Variants in CGN observed in about 807,000 individuals in gnomAD.
CGN encodes cingulin.
A neutral mutation model predicts 157.1 loss-of-function variants in CGN; 121 were observed. That is an observed-to-expected ratio of 0.77 (90% confidence interval 0.66 to 0.90). The LOEUF (loss-of-function observed/expected upper bound fraction) is 0.90, where lower values mean the gene tolerates loss of function less well. Ranked by LOEUF, CGN falls within the 40% of genes least tolerant of loss-of-function variation. The pLI is 0.00. For missense variants in CGN, 1,424 were observed against 1,520.9 expected, an observed-to-expected ratio of 0.94 and a Z score of 1.06; for synonymous variants, 535 against 607.5, an observed-to-expected ratio of 0.88 and a Z score of 1.76.
In CGN at chr1:151,530,128, G is replaced by A. The variant is rs185573654; in HGVS notation, c.2313+13G>A. 2.6e-3 allele frequency: 4,154 copies of A among 1,603,012 alleles called. 164 individuals carry two copies. The Admixed American group carries it at 0.062, about 24-fold the overall frequency. On this transcript the variant is annotated intron_variant, in intron 12 of 20. Transcript: ENST00000271636. ...GCAGCGGCTGGAGGTCAGTGGTTCT[G>A]CCCTCCCAGCCCTCTCTGCTCAGCC... is the stretch of plus-strand genomic sequence containing the variant.
At chr1:151,532,612 CTTTTTT>C (rs34388063) in intron 14 of CGN, 40 bp downstream of exon 14, 1,032 of 536,006 alleles carry the variant, frequency 1.9e-3, no homozygotes, top group East Asian at 4.0e-3. Context: ...GTCCTTGCCT[CTTTTTT>C]TTTTTTTTTT....
chr1:151,529,476 C>T lies in CGN; in HGVS notation c.2023C>T (p.Arg675Ter), dbSNP rs569243416. The T allele has an allele frequency of 3.7e-6, 6 of 1,613,664 alleles. No individual in the cohort carries two copies. Among genetic ancestry groups the T allele is most frequent in the East Asian group, 2.2e-5 (1 of 44,822 alleles). The change falls in exon 11 of 21, where the codon CGA (arginine) becomes TGA (stop). Residue 675 changes from arginine (R) to a stop codon, truncating the protein, a stop_gained. Coordinates refer to ENST00000271636, the MANE Select transcript of CGN (RefSeq NM_020770.3). LOFTEE classifies it high-confidence loss of function. ...GGCGGTCCTGAGGGTCGAGGCTGAT[C>T]GAGGTCGGGAGCTGGAAGAACAGAA... ...QLAVLRVEADRGRELEEQNLQ... is the reference protein window; with the variant it reads ...QLAVLRVEAD
chr1:151,529,602 G>T (rs1664783171), intron 11 of CGN, 43 bp downstream of exon 11: 2 of 1,551,304 alleles, frequency 1.3e-6, no homozygotes, highest in Non-Finnish European at 1.8e-6. Context: ...GAGGCTGAGG[G>T]TGTCTGGAGG....
At chr1:151,525,844 CT>C (rs928840759) in intron 9 of CGN, 54 bp downstream of exon 9, 30 of 1,246,092 alleles carry the variant, frequency 2.4e-5, no homozygotes, top group Non-Finnish European at 3.0e-5. Context: ...CACTTCCTTT[CT>C]TTTTTTTAAT....
chr1:151,520,267 G>T lies in CGN; in HGVS notation c.974+1G>T, dbSNP rs1664511016. ...CCATCTATGGCATCCTGAGGGAGGGGTGAGTGGGGGCCCCCCCAACAACAG... is the reference window on the plus strand; with the variant it reads ...CCATCTATGGCATCCTGAGGGAGGGTTGAGTGGGGGCCCCCCCAACAACAG... On this transcript the variant is annotated splice_donor_variant, in intron 3 of 20. Coordinates refer to ENST00000271636, the MANE Select transcript of CGN (RefSeq NM_020770.3). LOFTEE classifies it high-confidence loss of function. 6.2e-7 allele frequency: 1 copy of T among 1,611,992 alleles called. No individual in the cohort carries two copies. Among genetic ancestry groups the T allele is most frequent in the Non-Finnish European group, 8.5e-7 (1 of 1,178,606 alleles).
intron 1 of CGN, among the ~76,000 whole-genome samples, chr1:151,516,965 G>C (rs1014686873): frequency 1.3e-5 from 2 of 151,468 alleles, no homozygotes; most frequent in Non-Finnish European, 2.9e-5. Flanking sequence ...TTTGAGACCA[G>C]CCTGGCCAAT....
Position 151,520,151 on chromosome 1 carries a change from CT to C in CGN, c.874-6del, listed in dbSNP as rs758186584. 258 of 1,513,792 alleles carry C rather than the reference CT, an allele frequency of 1.7e-4. No individual in the cohort carries two copies. Among genetic ancestry groups the C allele is most frequent in the South Asian group, 3.2e-4 (26 of 81,248 alleles). 93.8% of individuals were successfully genotyped at this position (1,513,792 alleles called of 1,614,324 possible). On this transcript the variant is annotated splice_polypyrimidine_tract_variant and intron_variant, in intron 2 of 20. Transcript: ENST00000271636. ...CTTTCTTTCTTTTTTTTTTCTTTTT[CT>C]TTTTTTTTAACAGTTCAAATCAACT...
At position 151,513,422 on chromosome 1, in the gene CGN, G is replaced by C. The variant is rs74324778; in HGVS notation, c.-15+1907G>C. ...GGGGGATTCTTTTTGGATCCACGGGGAACCTTCTTATCTCTAACTATGAGA... is the reference window on the plus strand; with the variant it reads ...GGGGGATTCTTTTTGGATCCACGGGCAACCTTCTTATCTCTAACTATGAGA... On this transcript the variant is annotated intron_variant, in intron 1 of 20. Transcript: ENST00000271636. Among the ~76,000 whole-genome samples, 7 of 152,280 alleles carry C rather than the reference G, an allele frequency of 4.6e-5. No homozygotes were observed. The East Asian group carries it at 1.3e-3, about 29-fold the overall frequency.
At position 151,524,240 on chromosome 1, in the gene CGN, A is replaced by G. The variant is rs1664615304; in HGVS notation, c.1283A>G (p.Lys428Arg). Residue 428 changes from lysine to arginine, a missense_variant, in exon 7 of 21, where the codon AAG (lysine) becomes AGG (arginine). By Grantham distance (26) the Lys-to-Arg change is conservative. Transcript: ENST00000271636. The surrounding 1 kb of genome is among the most constrained non-coding windows in gnomAD (Gnocchi z 4.4). The stretch of plus-strand genomic sequence containing the variant: ...TCTATTATTAGGCTCCAGAACATGA[A>G]GCGCCTCTTGGACCAGGGTGAAGAT... The part of the protein sequence containing the change: ...QQSNKELQNM[K>R]RLLDQGEDLR... The G allele has an allele frequency of 8.7e-6, 14 of 1,613,958 alleles. No homozygotes were observed. Among genetic ancestry groups the G allele is most frequent in the Non-Finnish European group, 1.2e-5 (14 of 1,179,926 alleles).
chr1:151,527,128 A>G, intron 10 of CGN, 21 bp downstream of exon 10: 1 of 1,613,828 alleles, frequency 6.2e-7, no homozygotes, highest in Non-Finnish European at 8.5e-7. Context: ...ATTGGGGGGC[A>G]GAATGGTAGG....
At chr1:151,527,239 G>A (rs1664703866) in intron 10 of CGN, 132 bp downstream of exon 10, 5 of 935,210 alleles carry the variant, frequency 5.3e-6, no homozygotes, top group Non-Finnish European at 6.7e-6. Flanking sequence ...TGCCTGCTCA[G>A]CTTGATCTCT....
intron 5 of CGN, among the ~76,000 whole-genome samples, chr1:151,522,583 G>A (rs1459012148): frequency 1.3e-5 from 2 of 151,330 alleles, no homozygotes; most frequent in East Asian, 3.9e-4. Flanking sequence ...CCGAGATTGC[G>A]CCACTGCACT....
rs1267753516 is a variant in CGN, at chr1:151,524,187, G to T, written c.1269-39G>T. ...AAATATATGATGCGTTTAGAGAACT[G>T]CCTGACACATAGTGTGCAATAATGT... is the stretch of plus-strand genomic sequence containing the variant. On this transcript the variant is annotated intron_variant, in intron 6 of 20. Transcript: ENST00000271636. The surrounding 1 kb of genome is among the most constrained non-coding windows in gnomAD (Gnocchi z 4.4). The T allele has an allele frequency of 1.3e-6, 2 of 1,532,556 alleles. No homozygotes were observed. The highest frequency in any genetic ancestry group is 3.6e-5 in the Admixed American group (2 of 54,912). 94.9% of individuals were successfully genotyped at this position (1,532,556 alleles called of 1,614,324 possible).
At chr1:151,517,750 G>C (rs1057084401) in intron 1 of CGN, among the ~76,000 whole-genome samples, 1 of 152,012 alleles carries the variant, frequency 6.6e-6, no homozygotes, top group Admixed American at 6.6e-5. Context: ...GACCTCAGGT[G>C]ATCCACCTGC....
intron 13 of CGN, 79 bp from the exon 14 acceptor site, chr1:151,532,323 T>C: frequency 8.8e-7 from 1 of 1,131,528 alleles, no homozygotes; most frequent in South Asian, 2.4e-5. Flanking sequence ...AGGAGACCCT[T>C]AGGGGAGAGT....
intron 1 of CGN, among the ~76,000 whole-genome samples, chr1:151,516,812 G>A (rs1401697788): frequency 6.6e-6 from 1 of 151,524 alleles, no homozygotes; most frequent in Admixed American, 6.6e-5. Context: ...AAAATGCTGG[G>A]ATTACAGGCG....
At chr1:151,530,829 G>T in intron 13 of CGN, 83 bp downstream of exon 13, 2 of 1,437,832 alleles carry the variant, frequency 1.4e-6, no homozygotes, top group Non-Finnish European at 1.9e-6. Flanking sequence ...GCTTGGGGGA[G>T]AGGGGTTAGT....
At chr1:151,513,685 C>A (rs973472095) in intron 1 of CGN, among the ~76,000 whole-genome samples, 5 of 152,184 alleles carry the variant, frequency 3.3e-5, no homozygotes. Context: ...CCCTGTCACT[C>A]CTAGTTGGAA....
At position 151,520,456 on chromosome 1, in the gene CGN, G is replaced by C; in HGVS notation, c.1017G>C (p.Leu339Phe). 1 of 1,614,196 alleles carries C rather than the reference G, an allele frequency of 6.2e-7. No individual in the cohort carries two copies. Among genetic ancestry groups the C allele is most frequent in the Non-Finnish European group, 8.5e-7 (1 of 1,180,024 alleles). The part of the protein sequence containing the change: ...SETSVRRKVS[L>F]VLEKMQPLVM... ...CCTCTGTGAGGAGGAAGGTTAGTTT[G>C]GTGCTGGAGAAGATGCAGCCTCTAG... The change falls in exon 4 of 21, where the codon TTG becomes TTC. Residue 339 changes from leucine (L) to phenylalanine (F), a missense_variant. Leu to Phe is a conservative substitution (Grantham distance 22, BLOSUM62 0). Around this residue, in one of 3 missense-constraint regions of CGN, gnomAD observed 1,187 missense variants for 1,217.6 expected, o/e 0.97. Coordinates refer to ENST00000271636, the MANE Select transcript of CGN (RefSeq NM_020770.3).
Sources: gnomAD v4.1 joint callset for allele counts (sites outside exome capture counted in the v4.1 genomes callset) on GRCh38, gnomAD v4.1.1 for gene constraint, gnomAD v4.1.1 regional missense constraint, Gnocchi (gnomAD v3.1) non-coding constraint, MANE v1.5 for transcripts, NCBI Gene and HGNC (gene_info 2026-07-23, HGNC 2026-07-21) for gene names.